The following QRFPR variants were observed in gnomAD, a reference collection of about 807,000 sequenced individuals.
The protein encoded by QRFPR is pyroglutamylated RFamide peptide receptor.
In QRFPR, 37 loss-of-function variants were observed where a neutral mutation model predicts 31.3. The ratio of observed to expected loss-of-function variants is 1.18; its 90% CI spans 0.91 to 1.56. QRFPR has a LOEUF of 1.56. QRFPR is among the 40% of genes most tolerant of loss of function. The probability of loss-of-function intolerance (pLI) is 0.00; values close to 1 mark genes in which losing one functional copy is unlikely to be tolerated. For synonymous variants in QRFPR, 197 were observed against 192.0 expected, an observed-to-expected ratio of 1.03 and a Z score of -0.22; for missense variants, 542 against 532.5, an observed-to-expected ratio of 1.02 and a Z score of -0.18.
intron 1 of QRFPR, among the ~76,000 whole-genome samples, chr4:121,361,271 T>C (rs574053687): frequency 2.7e-5 from 4 of 150,192 alleles, no homozygotes; most frequent in South Asian, 2.1e-4. Context: ...CAGTCTTCAA[T>C]AGATAAAGCA....
chr4:121,378,458 G>T (rs1174274362), intron 1 of QRFPR, among the ~76,000 whole-genome samples: 1 of 143,470 alleles, frequency 7.0e-6, no homozygotes, highest in East Asian at 2.0e-4. Flanking sequence ...TGTCACCCAG[G>T]TTGGAGTGCA....
chr4:121,343,285 T>C (rs1262554926), intron 1 of QRFPR, among the ~76,000 whole-genome samples: 2 of 152,212 alleles, frequency 1.3e-5, no homozygotes, highest in Non-Finnish European at 2.9e-5. Flanking sequence ...AGACATTTTG[T>C]TAACCCAAGA....
At chr4:121,345,430 G>C (rs1159538101) in intron 1 of QRFPR, among the ~76,000 whole-genome samples, 2 of 152,194 alleles carry the variant, frequency 1.3e-5, no homozygotes, top group Non-Finnish European at 2.9e-5. Context: ...ACTGTTGCTT[G>C]CAACGAAGTA....
In QRFPR at chr4:121,332,873, C is replaced by G. The variant is rs755448253; in HGVS notation, c.745G>C (p.Asp249His). Residue 249 changes from aspartate (D) to histidine (H), a missense_variant, in exon 4 of 6, where the codon GAT becomes CAT. Physicochemically the swap from Asp to His is moderately conservative, Grantham distance 81. Coordinates refer to ENST00000394427, the MANE Select transcript of QRFPR (RefSeq NM_198179.3). ...YELWIKKRVGDGSVLRTIHGK... is the reference protein window; with the variant it reads ...YELWIKKRVGHGSVLRTIHGK... Reference sequence around the variant, plus strand: ...TGAATAGTTCGAAGCACTGAACCATCCCCAACTCTTTTCTTTATCCAAAGT... The same window carrying G: ...TGAATAGTTCGAAGCACTGAACCATGCCCAACTCTTTTCTTTATCCAAAGT... The G allele has an allele frequency of 6.2e-7, 1 of 1,614,114 alleles. No individual in the cohort carries two copies. Among genetic ancestry groups the G allele is most frequent in the Admixed American group, 1.7e-5 (1 of 60,026 alleles).
At position 121,329,399 on chromosome 4, in the gene QRFPR, G is replaced by A; in HGVS notation, c.1211C>T (p.Thr404Ile). The change falls in exon 6 of 6, where the codon ACA becomes ATA. Residue 404 changes from threonine (T) to isoleucine (I), a missense_variant. By Grantham distance (89) the Thr-to-Ile change is moderately conservative. Transcript: ENST00000394427. ...TCGTTTGAGCTTTTTCTTCTCCTCT[G>A]TCTGTTCACACAATTTGACTTCAAT... The part of the protein sequence containing the change: ...GNIEVKLCEQ[T>I]EEKKKLKRHL... The A allele has an allele frequency of 6.2e-7, 1 of 1,614,038 alleles. No homozygotes were observed. The highest frequency in any genetic ancestry group is 8.5e-7 in the Non-Finnish European group (1 of 1,179,944).
chr4:121,358,797 G>A (rs1160672790), intron 1 of QRFPR, among the ~76,000 whole-genome samples: 1 of 152,136 alleles, frequency 6.6e-6, no homozygotes, highest in Non-Finnish European at 1.5e-5. Flanking sequence ...TGATCACAAT[G>A]TTCTAAGTTA....
At chr4:121,363,984 C>G (rs1016755297) in intron 1 of QRFPR, among the ~76,000 whole-genome samples, 1 of 149,924 alleles carries the variant, frequency 6.7e-6, no homozygotes, top group African/African-American at 2.5e-5. Context: ...AGCAACCAGA[C>G]AGCGAGAAAG....
intron 1 of QRFPR, among the ~76,000 whole-genome samples, chr4:121,370,543 G>A (rs71602334): frequency 0.037 from 5,591 of 152,264 alleles, 149 homozygotes; most frequent in Non-Finnish European, 0.06. Flanking sequence ...CCGGGAGTCC[G>A]GCACTAAAAA....
intron 1 of QRFPR, among the ~76,000 whole-genome samples, chr4:121,342,423 T>C (rs777948648): frequency 2.0e-5 from 3 of 152,112 alleles, no homozygotes; most frequent in Non-Finnish European, 4.4e-5. Context: ...CTAAAATATC[T>C]TATTGGTTCT....
Position 121,370,239 on chromosome 4 carries a change from G to A in QRFPR, c.340+10069C>T, listed in dbSNP as rs937846590. The stretch of plus-strand genomic sequence containing the variant: ...AGTCATGGGTGCAGGGTCCTTGAGG[G>A]TATCATCATAGCTGAGTGCCCGGCG... On this transcript the variant is annotated intron_variant, in intron 1 of 5. Transcript: ENST00000394427. 3 of 779,846 alleles carry A rather than the reference G, an allele frequency of 3.8e-6. No individual in the cohort carries two copies. The East Asian group carries it at 7.3e-5, about 19-fold the overall frequency. The allele number at this position is 779,846 out of a possible 1,614,324, so 48.3% of individuals were successfully genotyped here.
rs148504911 is a variant in QRFPR at position 121,355,645 on chromosome 4, T to C, written c.341-15035A>G. Among the ~76,000 whole-genome samples, 742 of 152,166 alleles carry C rather than the reference T, an allele frequency of 4.9e-3. 8 individuals are homozygous for C. The highest frequency in any genetic ancestry group is 0.016 in the African/African-American group (678 of 41,548). On this transcript the variant is annotated intron_variant, in intron 1 of 5. Transcript: ENST00000394427. Reference sequence around the variant, plus strand: ...GTCTTTCTAGTTCTTTGAGATACATTATTAGATTGTTTATTTGAAGGTTTT... The same window carrying C: ...GTCTTTCTAGTTCTTTGAGATACATCATTAGATTGTTTATTTGAAGGTTTT...
At chr4:121,335,677 A>G (rs1263450779) in intron 3 of QRFPR, among the ~76,000 whole-genome samples, 2 of 152,080 alleles carry the variant, frequency 1.3e-5, no homozygotes, top group Admixed American at 1.3e-4. Context: ...TCACATTTCT[A>G]GGCCTGAAAA....
At chr4:121,339,744 A>T (rs62319021) in intron 2 of QRFPR, among the ~76,000 whole-genome samples, 1 of 152,048 alleles carries the variant, frequency 6.6e-6, no homozygotes, top group Non-Finnish European at 1.5e-5. Flanking sequence ...GCTTGAGCCC[A>T]GGAGTTCAAG....
At chr4:121,365,632 A>AT (rs1726116251) in intron 1 of QRFPR, among the ~76,000 whole-genome samples, 13 of 25,030 alleles carry the variant, frequency 5.2e-4, no homozygotes, top group Middle Eastern at 0.023. Flanking sequence ...TATATATTAT[A>AT]TATATATTTT....
At chr4:121,344,531 T>C (rs1725607726) in intron 1 of QRFPR, among the ~76,000 whole-genome samples, 1 of 152,200 alleles carries the variant, frequency 6.6e-6, no homozygotes, top group Non-Finnish European at 1.5e-5. Context: ...TCCCAGTTTC[T>C]TCAATGTTCT....
intron 1 of QRFPR, among the ~76,000 whole-genome samples, chr4:121,341,536 C>T (rs1291073201): frequency 2.0e-5 from 3 of 152,090 alleles, no homozygotes; most frequent in South Asian, 2.1e-4. Context: ...GATCTAAAAC[C>T]CAAAGCTTTT....
At chr4:121,359,112 A>T (rs570742638) in intron 1 of QRFPR, among the ~76,000 whole-genome samples, 1 of 152,300 alleles carries the variant, frequency 6.6e-6, no homozygotes, top group South Asian at 2.1e-4. Context: ...TAGGCCTTAC[A>T]AAGGAAGTAA....
chr4:121,354,432 T>C (rs1274033528), intron 1 of QRFPR, among the ~76,000 whole-genome samples: 1 of 151,974 alleles, frequency 6.6e-6, no homozygotes, highest in Admixed American at 6.6e-5. Flanking sequence ...TTCACTTCTT[T>C]GGTTCTGATA....
chr4:121,363,215 A>T (rs2110479987), intron 1 of QRFPR, among the ~76,000 whole-genome samples: 1 of 150,040 alleles, frequency 6.7e-6, no homozygotes, highest in East Asian at 2.0e-4. Flanking sequence ...AATCACAACT[A>T]CTCAGGAGGC....
Sources: gnomAD v4.1 joint callset for allele counts (sites outside exome capture counted in the v4.1 genomes callset) on GRCh38, gnomAD v4.1.1 for gene constraint, MANE v1.5 for transcripts, NCBI Gene and HGNC (gene_info 2026-07-23, HGNC 2026-07-21) for gene names.